Variants in CACNA1I observed in about 807,000 individuals in gnomAD.
CACNA1I encodes calcium voltage-gated channel subunit alpha1 I, also known as voltage-dependent T-type calcium channel subunit alpha-1I.
Under a neutral mutation model 201.6 loss-of-function variants are expected in CACNA1I, and 74 were observed. That is an observed-to-expected ratio of 0.37 (90% CI 0.30 to 0.45). The LOEUF (loss-of-function observed/expected upper bound fraction) is 0.45. Ranked by LOEUF, CACNA1I falls within the 20% of genes least tolerant of loss-of-function variation. The pLI is 1.00. For synonymous variants in CACNA1I, 1,431 were observed against 1,345.2 expected, an observed-to-expected ratio of 1.06 and a Z score of -1.40; for missense variants, 2,346 against 3,138.1, an observed-to-expected ratio of 0.75 and a Z score of 6.03.
At chr22:39,626,284 G>A (rs935051221) in intron 4 of CACNA1I, among the ~76,000 whole-genome samples, 7 of 152,256 alleles carry the variant, frequency 4.6e-5, no homozygotes, top group East Asian at 3.8e-4. Context: ...AAATGCCACC[G>A]TGGGTGTAGA....
rs888520459 is a variant in CACNA1I at position 39,616,783 on chromosome 22, A to G, written c.483-2527A>G. Among the ~76,000 whole-genome samples the G allele has an allele frequency of 2.7e-3, 164 of 60,692 alleles. 1 individual carries two copies. Among genetic ancestry groups the G allele is most frequent in the African/African-American group, 6.4e-3 (151 of 23,446 alleles). 39.8% of individuals were successfully genotyped at this position (60,692 alleles called of 152,430 possible). ...CTGTCTCAAAAAAAAAAAAAAAAAAAAAAAGAAAAGAAAAAGAAAACACTC... is the reference window on the plus strand; with the variant it reads ...CTGTCTCAAAAAAAAAAAAAAAAAAGAAAAGAAAAGAAAAAGAAAACACTC... On this transcript the variant is annotated intron_variant, in intron 3 of 36. Transcript: ENST00000402142.
chr22:39,680,748 A>G (rs928694271), intron 33 of CACNA1I, among the ~76,000 whole-genome samples, 182 bp from the exon 34 acceptor site: 1 of 152,006 alleles, frequency 6.6e-6, no homozygotes, highest in Non-Finnish European at 1.5e-5. Flanking sequence ...TCACCATCGC[A>G]TGTCACCCAG....
At chr22:39,625,854 C>T (rs1427198377) in intron 4 of CACNA1I, among the ~76,000 whole-genome samples, 1 of 151,970 alleles carries the variant, frequency 6.6e-6, no homozygotes, top group Non-Finnish European at 1.5e-5. Flanking sequence ...CACCCCCAGC[C>T]TGTACATCTC....
intron 1 of CACNA1I, among the ~76,000 whole-genome samples, chr22:39,577,966 A>G (rs1178689492): frequency 6.6e-6 from 1 of 152,220 alleles, no homozygotes; most frequent in East Asian, 1.9e-4. Flanking sequence ...AGGGGGATCC[A>G]ATGAGAATTC....
chr22:39,646,842 G>C lies in CACNA1I; in HGVS notation c.1423G>C (p.Ala475Pro). ...QALGPEAPAP[A>P]KPGPHAKEPR... is the part of the protein sequence containing the mutation. Reference sequence around the variant, plus strand: ...CCTGGGCCCGGAGGCCCCGGCCCCCGCCAAACCTGGGCCCCACGCCAAGGA... The same window carrying C: ...CCTGGGCCCGGAGGCCCCGGCCCCCCCCAAACCTGGGCCCCACGCCAAGGA... Residue 475 changes from alanine (A) to proline (P), a missense_variant, in exon 8 of 37, where the codon GCC becomes CCC. This residue lies in a region of CACNA1I where 312 missense variants were observed against 331.5 expected (regional missense o/e 0.94). Transcript: ENST00000402142. 1 of 1,530,392 alleles carries C rather than the reference G, an allele frequency of 6.5e-7. No individual in the cohort carries two copies. Among genetic ancestry groups the C allele is most frequent in the African/African-American group, 1.4e-5 (1 of 72,094 alleles). 94.8% of individuals were successfully genotyped at this position (1,530,392 alleles called of 1,614,324 possible).
Position 39,641,065 on chromosome 22 carries a change from C to A in CACNA1I, c.939C>A (p.Ser313Arg). ...CGGGGCGCCAGGACCTCAATGCCAG[C>A]GGCCTCTGTGTCAACTGGAACCGTT... ...FGAGRQDLNASGLCVNWNRYY... is the reference protein window; with the variant it reads ...FGAGRQDLNARGLCVNWNRYY... The change falls in exon 6 of 37, where the codon AGC (serine) becomes AGA (arginine). Residue 313 changes from serine to arginine, a missense_variant. Transcript: ENST00000402142. 1 of 1,614,030 alleles carries A rather than the reference C, an allele frequency of 6.2e-7. No homozygotes were observed.
In CACNA1I at chr22:39,649,474, T is replaced by G. The variant is rs550663724; in HGVS notation, c.1568-27T>G. The G allele has an allele frequency of 1.2e-5, 18 of 1,543,496 alleles. No homozygotes were observed. In the African/African-American group the frequency reaches 1.6e-4, roughly 14 times the overall value. On this transcript the variant is annotated intron_variant, in intron 9 of 36. Transcript: ENST00000402142. The surrounding 1 kb of genome is among the most constrained non-coding windows in gnomAD (Gnocchi z 7.3). ...GATTGGGCCTGGTGTGGGCAACGAC[T>G]CTATGCCCCTCTCATTTGCTTTTCA...
At chr22:39,645,817 CA>C (rs1287096754) in intron 7 of CACNA1I, among the ~76,000 whole-genome samples, 1 of 152,230 alleles carries the variant, frequency 6.6e-6, no homozygotes, top group African/African-American at 2.4e-5. Flanking sequence ...CCTCGGGCCA[CA>C]AGGAGATGGG....
chr22:39,647,700 C>G, intron 8 of CACNA1I, 122 bp from the exon 9 acceptor site: 1 of 695,648 alleles, frequency 1.4e-6, no homozygotes, highest in Non-Finnish European at 2.5e-6. Context: ...AGGCATGAGC[C>G]ACCGCCCCTG....
chr22:39,685,766 C>T lies in CACNA1I; in HGVS notation c.6033C>T (p.Thr2011=), dbSNP rs754791943. 3.6e-5 allele frequency: 54 copies of T among 1,483,220 alleles called. No homozygotes were observed. Among genetic ancestry groups the T allele is most frequent in the Non-Finnish European group, 4.4e-5 (49 of 1,124,410 alleles). The allele number at this position is 1,483,220 out of a possible 1,614,324, so 91.9% of individuals were successfully genotyped here. ...CGGCTCCCACCTCCCCCCAGGCCAC[C>T]GGGAGCGACACGTCGCTGGACGCCA... ...RVNCTLLRQA[T]GSDTSLDASP... is the part of the protein sequence containing the mutation. Residue 2011 remains threonine, a synonymous_variant, in exon 37 of 37, where the codon ACC becomes ACT. Transcript: ENST00000402142. The surrounding 1 kb of genome is among the most constrained non-coding windows in gnomAD (Gnocchi z 5.0).
At position 39,662,806 on chromosome 22, in the gene CACNA1I, G is replaced by A. The variant is rs768117821; in HGVS notation, c.3403G>A (p.Asp1135Asn). The A allele has an allele frequency of 1.1e-5, 17 of 1,599,534 alleles. No homozygotes were observed. The highest frequency in any genetic ancestry group is 1.7e-5 in the Admixed American group (1 of 58,804). ...GTGCTTCCGCGTCCGCAAGATGATC[G>A]ACGTCTATAAGCCCGACTGGTGCGA... Reference protein sequence around the residue: ...TLCFRVRKMIDVYKPDWCEVR... With the variant: ...TLCFRVRKMINVYKPDWCEVR... Residue 1135 changes from aspartate to asparagine, a missense_variant, in exon 18 of 37, where the codon GAC (aspartate) becomes AAC (asparagine). Asp to Asn is a conservative substitution (Grantham distance 23). Transcript: ENST00000402142.
chr22:39,650,037 T>C (rs889715177), intron 10 of CACNA1I, 112 bp downstream of exon 10: 1 of 1,178,084 alleles, frequency 8.5e-7, no homozygotes, highest in African/African-American at 1.5e-5. Flanking sequence ...TCTGTCCACC[T>C]AGAAGTGCCG....
chr22:39,646,294 G>C (rs189264651), intron 7 of CACNA1I, among the ~76,000 whole-genome samples: 1 of 151,830 alleles, frequency 6.6e-6, no homozygotes, highest in East Asian at 1.9e-4. Context: ...TCTTTTCTGA[G>C]CCCGTCTTAC....
chr22:39,598,629 G>T (rs1932949518), intron 2 of CACNA1I, among the ~76,000 whole-genome samples: 1 of 151,970 alleles, frequency 6.6e-6, no homozygotes, highest in African/African-American at 2.4e-5. Context: ...ATGCACACCT[G>T]CAAAGAACAG....
chr22:39,588,128 A>ATTTTTTTT (rs35332612), intron 1 of CACNA1I, among the ~76,000 whole-genome samples: 3 of 90,564 alleles, frequency 3.3e-5, no homozygotes, highest in African/African-American at 9.1e-5. Context: ...GTTGCTCTTC[A>ATTTTTTTT]TTTTTTTTTT....
At chr22:39,641,834 A>G (rs531665232) in intron 6 of CACNA1I, among the ~76,000 whole-genome samples, 1 of 151,578 alleles carries the variant, frequency 6.6e-6, no homozygotes, top group East Asian at 2.0e-4. Flanking sequence ...GACCTTGGCC[A>G]GTATTGCTTG....
chr22:39,642,933 A>G, intron 7 of CACNA1I, 44 bp downstream of exon 7: 1 of 1,364,534 alleles, frequency 7.3e-7, no homozygotes, highest in Non-Finnish European at 1.0e-6. Flanking sequence ...CTCAGAACCC[A>G]TGGACCAGGG....
At chr22:39,618,329 G>A (rs1933620064) in intron 3 of CACNA1I, among the ~76,000 whole-genome samples, 1 of 151,374 alleles carries the variant, frequency 6.6e-6, no homozygotes, top group African/African-American at 2.4e-5. Context: ...GTGTGTGATT[G>A]TGCAGGTGTG....
rs976908036 is a variant in CACNA1I at position 39,677,256 on chromosome 22, C to T, written c.4855-85C>T. ...CTCTGACCCACAGGCTGCCCAACCC[C>T]ACTGCCCCAGCCTCCACCCTTCCCA... On this transcript the variant is annotated intron_variant, in intron 29 of 36. Transcript: ENST00000402142. This position sits in a 1 kb window ranked among gnomAD's most constrained non-coding sequence, Gnocchi z 4.8. 1 of 880,306 alleles carries T rather than the reference C, an allele frequency of 1.1e-6. No homozygotes were observed. Among genetic ancestry groups the T allele is most frequent in the Non-Finnish European group, 1.8e-6 (1 of 558,508 alleles). 54.5% of individuals were successfully genotyped at this position (880,306 alleles called of 1,614,324 possible). A position where few individuals can be genotyped will look rare whatever the true frequency, so the allele number is the denominator to read the frequency against.
Sources: allele counts gnomAD v4.1 joint callset (sites outside exome capture counted in the v4.1 genomes callset), GRCh38; gene constraint gnomAD v4.1.1; regional missense constraint gnomAD v4.1.1; non-coding constraint Gnocchi (gnomAD v3.1); transcripts MANE v1.5; gene names NCBI Gene and HGNC (gene_info 2026-07-23, HGNC 2026-07-21).